ZFTRAF1: variants seen among roughly 807,000 people sequenced by gnomAD.
ZFTRAF1 encodes zinc finger TRAF-type-containing protein 1.
the ZFTRAF1 span, chr8:144,452,213 C>T: frequency 6.6e-6 from 6 of 907,066 alleles, no homozygotes; most frequent in Non-Finnish European, 1.0e-5. Flanking sequence ...ACCGAGGTGT[C>T]CACCTGTCCA....
At chr8:144,461,128 C>T in the ZFTRAF1 span, among the ~76,000 whole-genome samples, 14 of 152,204 alleles carry the variant, frequency 9.2e-5, no homozygotes, top group Non-Finnish European at 1.8e-4. Flanking sequence ...CCGACAAGGT[C>T]ATGCCACAGC....
At chr8:144,454,889 G>T in the ZFTRAF1 span, 1 of 152,312 alleles carries the variant, frequency 6.6e-6, no homozygotes, top group African/African-American at 2.4e-5. Context: ...CTGTGGACTA[G>T]GCCTAAGGCC....
the ZFTRAF1 span, chr8:144,453,474 A>G: frequency 6.5e-7 from 1 of 1,541,382 alleles, no homozygotes; most frequent in East Asian, 2.5e-5. Context: ...CGAAGAAGGA[A>G]AGGGAGACGA....
chr8:144,458,698 G>A, the ZFTRAF1 span, among the ~76,000 whole-genome samples: 2 of 152,234 alleles, frequency 1.3e-5, no homozygotes, highest in East Asian at 1.9e-4. Context: ...ACAGAACAGA[G>A]TGGACACACC....
At chr8:144,460,787 G>A in the ZFTRAF1 span, among the ~76,000 whole-genome samples, 1 of 152,212 alleles carries the variant, frequency 6.6e-6, no homozygotes, top group Admixed American at 6.5e-5. Context: ...GGAGGCTGAG[G>A]TAGGGAGAAT....
the ZFTRAF1 span, chr8:144,462,242 G>A: frequency 1.7e-4 from 87 of 506,968 alleles, 1 homozygote; most frequent in Middle Eastern, 5.3e-4. Context: ...GGGGGCTGCA[G>A]CCCCGGGCTG....
chr8:144,462,151 G>GT, the ZFTRAF1 span: 7 of 356,922 alleles, frequency 2.0e-5, no homozygotes, highest in Admixed American at 9.6e-5. Context: ...GGAAGTGGCT[G>GT]TAAGGGCCAG....
chr8:144,461,110 G>A, the ZFTRAF1 span, among the ~76,000 whole-genome samples: 1 of 152,138 alleles, frequency 6.6e-6, no homozygotes, highest in Non-Finnish European at 1.5e-5. Context: ...AGGCACACTG[G>A]GGTCCTCCCG....
At chr8:144,459,824 GTT>G in the ZFTRAF1 span, among the ~76,000 whole-genome samples, 1 of 152,244 alleles carries the variant, frequency 6.6e-6, no homozygotes, top group Non-Finnish European at 1.5e-5. Flanking sequence ...TGAGCCATGT[GTT>G]CTGCTGGGGT....
At chr8:144,452,310 C>T in the ZFTRAF1 span, 2 of 1,537,974 alleles carry the variant, frequency 1.3e-6, no homozygotes, top group Admixed American at 2.0e-5. Flanking sequence ...GGCTGCCAGC[C>T]CCCCAACCCA....
At chr8:144,452,779 T>G in the ZFTRAF1 span, among the ~76,000 whole-genome samples, 1 of 151,494 alleles carries the variant, frequency 6.6e-6, no homozygotes, top group Non-Finnish European at 1.5e-5. Flanking sequence ...GAAGGAAGAG[T>G]GCAAGCTTGA....
chr8:144,461,372 G>A, the ZFTRAF1 span, among the ~76,000 whole-genome samples: 1 of 152,208 alleles, frequency 6.6e-6, no homozygotes, highest in Non-Finnish European at 1.5e-5. Context: ...GGGAAGGTGG[G>A]GACACTGTAC....
the ZFTRAF1 span, chr8:144,453,692 G>C: frequency 3.7e-6 from 2 of 538,438 alleles, no homozygotes; most frequent in East Asian, 6.2e-5. Context: ...CTAAAAGCAA[G>C]GCCTCATCAG....
At chr8:144,458,440 G>C in the ZFTRAF1 span, among the ~76,000 whole-genome samples, 1 of 152,204 alleles carries the variant, frequency 6.6e-6, no homozygotes, top group Admixed American at 6.5e-5. Context: ...TCACCTCAAA[G>C]AACGAGTCAG....
the ZFTRAF1 span, chr8:144,452,342 G>A: frequency 6.5e-7 from 1 of 1,546,754 alleles, no homozygotes. Flanking sequence ...CATGCAGCAG[G>A]CGGCGGGGCG....
chr8:144,452,398 T>C, the ZFTRAF1 span: 2 of 1,550,250 alleles, frequency 1.3e-6, no homozygotes, highest in Non-Finnish European at 1.7e-6. Context: ...AGGCTGAAGA[T>C]GCTGTTGTAC....
chr8:144,450,003 G>A, the ZFTRAF1 span: 2 of 250,370 alleles, frequency 8.0e-6, no homozygotes, highest in East Asian at 8.2e-5. Flanking sequence ...AGGCCCCCGC[G>A]CCCCGCCGGA....
chr8:144,450,002 C>T, the ZFTRAF1 span: 13 of 252,444 alleles, frequency 5.1e-5, no homozygotes, highest in African/African-American at 2.2e-5. Context: ...AAGGCCCCCG[C>T]GCCCCGCCGG....
the ZFTRAF1 span, among the ~76,000 whole-genome samples, chr8:144,458,960 G>A: frequency 1.3e-5 from 2 of 152,376 alleles, no homozygotes; most frequent in Admixed American, 6.5e-5. Flanking sequence ...TGCCCCATGA[G>A]GGGTGGGAAC....
Sources: gnomAD v4.1 joint callset for allele counts (sites outside exome capture counted in the v4.1 genomes callset) on GRCh38, gnomAD v4.1.1 for gene constraint, MANE v1.5 for transcripts, NCBI Gene and HGNC (gene_info 2026-07-23, HGNC 2026-07-21) for gene names.